TRDN: variants seen among roughly 807,000 people sequenced by gnomAD.
The protein encoded by TRDN is triadin, also known as triadin in skeletal muscle.
In TRDN, 161 loss-of-function variants were observed where a neutral mutation model predicts 149.7. The ratio of observed to expected loss-of-function variants is 1.08; its 90% CI spans 0.95 to 1.23. The LOEUF (loss-of-function observed/expected upper bound fraction) is 1.23, where lower values mean the gene tolerates loss of function less well. Among genes scored for constraint, TRDN ranks in the 50% most tolerant of loss-of-function variants. TRDN has a pLI of 0.00. For synonymous variants in TRDN, 294 were observed against 250.5 expected (o/e 1.17, Z -1.64); for missense variants, 896 against 823.5 (o/e 1.09, Z -1.08).
At chr6:123,366,072 T>A (rs911024768) in intron 20 of TRDN, 63 bp downstream of exon 20, 1 of 1,442,410 alleles carries the variant, frequency 6.9e-7, no homozygotes, top group African/African-American at 1.4e-5. Context: ...AACAATACAT[T>A]GTTAGAAACC....
intron 9 of TRDN, among the ~76,000 whole-genome samples, chr6:123,490,593 TTTATCCTG>T (rs1304342387): frequency 1.3e-5 from 2 of 152,106 alleles, no homozygotes; most frequent in Non-Finnish European, 2.9e-5. Context: ...CAGGAAGGAA[TTTATCCTG>T]TTATATTTTG....
intron 12 of TRDN, among the ~76,000 whole-genome samples, chr6:123,405,335 A>G (rs1004564994): frequency 3.3e-5 from 5 of 152,246 alleles, no homozygotes; most frequent in African/African-American, 1.2e-4. Flanking sequence ...AAATGGCTCA[A>G]CTGAAATCTA....
chr6:123,351,687 C>T, intron 21 of TRDN: 2 of 941,108 alleles, frequency 2.1e-6, no homozygotes, highest in Non-Finnish European at 2.5e-6. Flanking sequence ...AAGATCTTAA[C>T]TTCTGATATT....
chr6:123,396,298 G>A (rs904036675), intron 12 of TRDN, among the ~76,000 whole-genome samples: 1 of 152,008 alleles, frequency 6.6e-6, no homozygotes, highest in South Asian at 2.1e-4. Context: ...AAAAAAGACA[G>A]GATAATGAGC....
At chr6:123,233,200 A>G (rs1775671148) in intron 38 of TRDN, among the ~76,000 whole-genome samples, 2 of 152,086 alleles carry the variant, frequency 1.3e-5, no homozygotes, top group African/African-American at 2.4e-5. Context: ...TTCCTAAGAA[A>G]TCTTAAAAAC....
At chr6:123,322,613 T>TTTATTATTATTA (rs139658634) in intron 23 of TRDN, among the ~76,000 whole-genome samples, 177 of 140,960 alleles carry the variant, frequency 1.3e-3, no homozygotes, top group South Asian at 3.0e-3. Flanking sequence ...TTTTTTAAAA[T>TTTATTATTATTA]TTATTATTAT....
intron 1 of TRDN, among the ~76,000 whole-genome samples, chr6:123,612,463 T>C (rs572870390): frequency 2.6e-5 from 4 of 151,360 alleles, no homozygotes; most frequent in African/African-American, 9.7e-5. Context: ...AAAAAAAAAT[T>C]ATCTGGGCAT....
At chr6:123,274,727 A>G (rs1172742431) in intron 26 of TRDN, 57 bp from the exon 27 acceptor site, 1 of 1,458,590 alleles carries the variant, frequency 6.9e-7, no homozygotes, top group African/African-American at 1.4e-5. Flanking sequence ...TAGAATGAAA[A>G]TTAATTTTTA....
At chr6:123,404,453 T>A (rs1253711764) in intron 12 of TRDN, among the ~76,000 whole-genome samples, 20 of 152,092 alleles carry the variant, frequency 1.3e-4, no homozygotes, top group Admixed American at 1.3e-3. Context: ...TGGTGAACTA[T>A]TTTTTGTTTT....
At chr6:123,610,131 T>C (rs538487166) in intron 1 of TRDN, among the ~76,000 whole-genome samples, 1 of 152,338 alleles carries the variant, frequency 6.6e-6, no homozygotes, top group Admixed American at 6.5e-5. Context: ...ATGCAATAGC[T>C]ATTAAGAGTC....
intron 14 of TRDN, among the ~76,000 whole-genome samples, chr6:123,385,678 T>C (rs951849095): frequency 3.3e-5 from 5 of 152,168 alleles, no homozygotes; most frequent in Non-Finnish European, 7.3e-5. Flanking sequence ...TCAGCTCTAT[T>C]TTCTCTATTT....
chr6:123,366,802 G>A (rs1221002503), intron 19 of TRDN, among the ~76,000 whole-genome samples: 1 of 152,210 alleles, frequency 6.6e-6, no homozygotes, highest in Non-Finnish European at 1.5e-5. Context: ...ACAGGCATGA[G>A]CCACCACGCC....
intron 21 of TRDN, among the ~76,000 whole-genome samples, chr6:123,339,869 C>T (rs1780005300): frequency 6.6e-6 from 1 of 151,872 alleles, no homozygotes; most frequent in African/African-American, 2.4e-5. Context: ...GTAGTGATGG[C>T]CTTAACTTTA....
At chr6:123,597,836 T>C (rs1489226036) in intron 1 of TRDN, among the ~76,000 whole-genome samples, 1 of 152,116 alleles carries the variant, frequency 6.6e-6, no homozygotes, top group Non-Finnish European at 1.5e-5. Flanking sequence ...AGTGTAGATA[T>C]AACTTTTATA....
At chr6:123,225,339 G>A (rs1270830653) in intron 38 of TRDN, among the ~76,000 whole-genome samples, 1 of 151,466 alleles carries the variant, frequency 6.6e-6, no homozygotes, top group African/African-American at 2.4e-5. Flanking sequence ...TCAAAAATTT[G>A]TTTGTTTATT....
chr6:123,491,940 C>G (rs1778242152), intron 9 of TRDN, among the ~76,000 whole-genome samples: 1 of 152,132 alleles, frequency 6.6e-6, no homozygotes, highest in African/African-American at 2.4e-5. Context: ...ATAACAGTGA[C>G]TATAATGCAA....
chr6:123,521,391 A>G (rs1407726822), intron 5 of TRDN, among the ~76,000 whole-genome samples: 1 of 152,080 alleles, frequency 6.6e-6, no homozygotes, highest in African/African-American at 2.4e-5. Flanking sequence ...AAGGATATGC[A>G]CAGAGGGAAT....
At chr6:123,348,289 G>A (rs971637762) in intron 21 of TRDN, among the ~76,000 whole-genome samples, 1 of 152,036 alleles carries the variant, frequency 6.6e-6, no homozygotes, top group African/African-American at 2.4e-5. Context: ...GTAGAATATT[G>A]ATAAAGTGTT....
At chr6:123,253,076 G>C (rs1470058240) in intron 37 of TRDN, among the ~76,000 whole-genome samples, 1 of 151,730 alleles carries the variant, frequency 6.6e-6, no homozygotes, top group African/African-American at 2.4e-5. Flanking sequence ...ATAATTACCA[G>C]ACTATAAAAT....
Sources: allele counts gnomAD v4.1 joint callset (sites outside exome capture counted in the v4.1 genomes callset), GRCh38; gene constraint gnomAD v4.1.1; transcripts MANE v1.5; gene names NCBI Gene and HGNC (gene_info 2026-07-23, HGNC 2026-07-21).